Variants in ITPK1 observed in about 807,000 individuals in gnomAD.
ITPK1 encodes inositol 1,3,4-trisphosphate 5/6-kinase.
ITPK1 carries 21 observed loss-of-function variants against 45.3 expected under a neutral mutation model. The ratio of observed to expected loss-of-function variants is 0.46; its 90% confidence interval spans 0.33 to 0.67. ITPK1 has a LOEUF of 0.67. Among genes scored for constraint, ITPK1 ranks in the 30% least tolerant of loss-of-function variants. The pLI is 0.02. For missense variants in ITPK1, 474 were observed against 573.5 expected (o/e 0.83, Z 1.77); for synonymous variants, 258 against 253.6 (o/e 1.02, Z -0.16).
At chr14:92,964,133 G>C (rs1366188247) in intron 5 of ITPK1, among the ~76,000 whole-genome samples, 2 of 152,084 alleles carry the variant, frequency 1.3e-5, no homozygotes, top group African/African-American at 4.8e-5. Flanking sequence ...CCCGTTCCCC[G>C]ACTCCTACCC....
chr14:92,982,916 T>G (rs1166659317), intron 5 of ITPK1, among the ~76,000 whole-genome samples: 2 of 152,178 alleles, frequency 1.3e-5, no homozygotes, highest in Non-Finnish European at 2.9e-5. Flanking sequence ...GATCCTCACT[T>G]AGCTACCTGG....
rs1035945810 is a variant in ITPK1 at position 92,941,598 on chromosome 14, C to G, written c.1208G>C (p.Cys403Ser). Residue 403 changes from cysteine (C) to serine (S), a missense_variant, in exon 11 of 11, where the codon TGT becomes TCT. By Grantham distance (112) the Cys-to-Ser change is moderately radical (BLOSUM62 -1). Coordinates refer to ENST00000267615, the MANE Select transcript of ITPK1 (RefSeq NM_014216.6). Reference protein sequence around the residue: ...AGVSPSFQQHCVASLATKASS... With the variant: ...AGVSPSFQQHSVASLATKASS... ...GGCCTTGGTGGCCAGGGAGGCCACACAATGCTGCTGGAAGCTGGGCGACAC... is the reference window on the plus strand; with the variant it reads ...GGCCTTGGTGGCCAGGGAGGCCACAGAATGCTGCTGGAAGCTGGGCGACAC... The G allele has an allele frequency of 6.5e-7, 1 of 1,537,638 alleles. No individual in the cohort carries two copies. Among genetic ancestry groups the G allele is most frequent in the Non-Finnish European group, 8.7e-7 (1 of 1,144,620 alleles).
At chr14:93,000,972 AC>A (rs1183747312) in intron 4 of ITPK1, among the ~76,000 whole-genome samples, 3 of 135,838 alleles carry the variant, frequency 2.2e-5, no homozygotes, top group Non-Finnish European at 4.6e-5. Context: ...TGAGACTCCA[AC>A]TAAAAAAAAA....
At chr14:92,974,601 T>TCAGGAGCTCCC (rs914131272) in intron 5 of ITPK1, among the ~76,000 whole-genome samples, 1 of 152,172 alleles carries the variant, frequency 6.6e-6, no homozygotes, top group African/African-American at 2.4e-5. Context: ...GTGCACAGTC[T>TCAGGAGCTCCC]CAGGAGCTCC....
At chr14:92,989,461 C>A (rs184498090) in intron 5 of ITPK1, among the ~76,000 whole-genome samples, 1 of 152,320 alleles carries the variant, frequency 6.6e-6, no homozygotes, top group East Asian at 1.9e-4. Context: ...AAACCCACGC[C>A]ATGCAATTAC....
intron 2 of ITPK1, among the ~76,000 whole-genome samples, chr14:93,086,333 A>G (rs1323499743): frequency 1.3e-5 from 2 of 152,204 alleles, no homozygotes; most frequent in Non-Finnish European, 2.9e-5. Context: ...GACTTCACCC[A>G]AATTCTGCTG....
intron 2 of ITPK1, among the ~76,000 whole-genome samples, chr14:93,098,697 TG>T (rs1177925918): frequency 2.0e-5 from 3 of 152,180 alleles, no homozygotes; most frequent in Non-Finnish European, 4.4e-5. Context: ...GTCTGAGCGC[TG>T]GTCCCAGCTT....
intron 9 of ITPK1, among the ~76,000 whole-genome samples, chr14:92,949,217 C>T (rs1438872003): frequency 6.6e-6 from 1 of 152,174 alleles, no homozygotes; most frequent in Non-Finnish European, 1.5e-5. Context: ...CCTCAGCCTC[C>T]TGAGTAGCCG....
chr14:93,028,204 T>TAG (rs1448865824), intron 3 of ITPK1, among the ~76,000 whole-genome samples: 2 of 152,240 alleles, frequency 1.3e-5, no homozygotes, highest in African/African-American at 4.8e-5. Flanking sequence ...ATGAACAGCG[T>TAG]GCCTTCCCTA....
chr14:92,958,501 GGAGCCTT>G lies in ITPK1; in HGVS notation c.505-142_505-136del. On this transcript the variant is annotated intron_variant, in intron 7 of 10. Coordinates refer to ENST00000267615, the MANE Select transcript of ITPK1 (RefSeq NM_014216.6). The surrounding 1 kb of genome is among the most constrained non-coding windows in gnomAD (Gnocchi z 4.4). ...CCTGTGGCATGAGGACTCCCCTAGA[GGAGCCTT>G]GAGCCAGGGTGAGTGGAGTGGGACT... 1.3e-6 allele frequency: 1 copy of G among 768,370 alleles called. No individual in the cohort carries two copies. The highest frequency in any genetic ancestry group is 2.1e-6 in the Non-Finnish European group (1 of 472,028). The allele number at this position is 768,370 out of a possible 1,614,324, so 47.6% of individuals were successfully genotyped here.
intron 2 of ITPK1, among the ~76,000 whole-genome samples, chr14:93,080,255 T>C (rs1946936563): frequency 1.3e-5 from 2 of 152,188 alleles, no homozygotes; most frequent in African/African-American, 4.8e-5. Context: ...AAAACAATCA[T>C]GGCAGGGCCC....
intron 4 of ITPK1, among the ~76,000 whole-genome samples, chr14:93,010,122 C>T (rs1432590209): frequency 2.0e-5 from 3 of 152,156 alleles, no homozygotes; most frequent in African/African-American, 7.2e-5. Context: ...CAACACAAAC[C>T]CCTTCCCGGG....
chr14:92,953,314 T>G (rs905369225), intron 8 of ITPK1, among the ~76,000 whole-genome samples: 7 of 152,254 alleles, frequency 4.6e-5, no homozygotes. Flanking sequence ...GTCCTCCTGC[T>G]GCTCTGACCA....
intron 2 of ITPK1, among the ~76,000 whole-genome samples, chr14:93,099,229 G>A (rs1892212580): frequency 6.6e-6 from 1 of 152,012 alleles, no homozygotes; most frequent in South Asian, 2.1e-4. Context: ...GCCCTCCCCA[G>A]ACCAACACTC....
chr14:92,970,823 G>A (rs1007019459), intron 5 of ITPK1, among the ~76,000 whole-genome samples: 9 of 152,238 alleles, frequency 5.9e-5, no homozygotes, highest in Middle Eastern at 3.4e-3. Context: ...TTTTAGTAGA[G>A]ATGGGGTTTC....
intron 2 of ITPK1, among the ~76,000 whole-genome samples, chr14:93,078,638 T>C (rs1891321463): frequency 6.6e-6 from 1 of 152,022 alleles, no homozygotes; most frequent in Non-Finnish European, 1.5e-5. Context: ...CACAACAGCA[T>C]AGCCCTGGGC....
chr14:93,050,241 C>T (rs771878290), intron 3 of ITPK1, among the ~76,000 whole-genome samples: 2 of 152,166 alleles, frequency 1.3e-5, no homozygotes, highest in African/African-American at 2.4e-5. Flanking sequence ...GCTGGTGCTG[C>T]CAGCCTGGAA....
At chr14:93,015,861 C>G in intron 4 of ITPK1, among the ~76,000 whole-genome samples, 1 of 152,180 alleles carries the variant, frequency 6.6e-6, no homozygotes, top group East Asian at 1.9e-4. Context: ...GGGTAAGATT[C>G]CCTTTGTCCT....
Position 93,022,555 on chromosome 14 carries a change from G to A in ITPK1, c.121-5754C>T, listed in dbSNP as rs376322068. ...TTTGAGACAGTCTCGGTCTACCGTC[G>A]AGGCTGGAGTACAGTGGCATGATCT... is the stretch of plus-strand genomic sequence containing the variant. On this transcript the variant is annotated intron_variant, in intron 3 of 10. Transcript: ENST00000267615. Among the ~76,000 whole-genome samples the A allele has an allele frequency of 7.4e-5, 11 of 148,878 alleles. No individual in the cohort carries two copies. In the East Asian group the frequency reaches 1.8e-3, roughly 24 times the overall value.
Sources: gnomAD v4.1 joint callset for allele counts (sites outside exome capture counted in the v4.1 genomes callset) on GRCh38, gnomAD v4.1.1 for gene constraint, Gnocchi (gnomAD v3.1) non-coding constraint, MANE v1.5 for transcripts, NCBI Gene and HGNC (gene_info 2026-07-23, HGNC 2026-07-21) for gene names.